Variants in KCNK18 observed in about 807,000 individuals in gnomAD.
KCNK18 encodes the protein potassium channel subfamily K member 18.
KCNK18 carries 8 observed loss-of-function variants against 11.8 expected under a neutral mutation model. The observed-to-expected ratio is 0.68, with a 90% CI of 0.40 to 1.22. The LOEUF (loss-of-function observed/expected upper bound fraction) is 1.22, where lower values mean the gene tolerates loss of function less well. KCNK18 is among the 50% of genes most tolerant of loss of function. The pLI is 0.01. For missense variants in KCNK18, 442 were observed against 465.4 expected (o/e 0.95, Z 0.46); for synonymous variants, 208 against 185.8 (o/e 1.12, Z -0.97).
At chr10:117,204,721 T>C (rs1479654318) in intron 2 of KCNK18, among the ~76,000 whole-genome samples, 1 of 152,174 alleles carries the variant, frequency 6.6e-6, no homozygotes, top group Non-Finnish European at 1.5e-5. Flanking sequence ...TGTGTGCTAA[T>C]GTTTGAGAAG....
In KCNK18 at chr10:117,207,230, C is replaced by T. The variant is rs376969643; in HGVS notation, c.353-2267C>T. Among the ~76,000 whole-genome samples, 322 of 152,200 alleles carry T rather than the reference C, an allele frequency of 2.1e-3. 1 individual carries two copies. Among genetic ancestry groups the T allele is most frequent in the African/African-American group, 7.4e-3 (309 of 41,546 alleles). On this transcript the variant is annotated intron_variant, in intron 2 of 2. Transcript: ENST00000334549. ...TTTTAGTAGAGACAGGGTTTTGCCACGTTGGCCAGGCTGGTCTTGAACTCC... is the reference window on the plus strand; with the variant it reads ...TTTTAGTAGAGACAGGGTTTTGCCATGTTGGCCAGGCTGGTCTTGAACTCC...
chr10:117,199,409 C>T lies in KCNK18; in HGVS notation c.223+1698C>T, dbSNP rs60931322. ...AGAGCTGGTCCCACTCCATTTTGTA[C>T]CGATTTTCACTGGAGATTAAAATGT... On this transcript the variant is annotated intron_variant, in intron 1 of 2. Coordinates refer to ENST00000334549, the MANE Select transcript of KCNK18 (RefSeq NM_181840.1). Among the ~76,000 whole-genome samples the T allele has an allele frequency of 7.1e-3, 1,082 of 152,284 alleles. 15 individuals carry two copies. Among genetic ancestry groups the T allele is most frequent in the African/African-American group, 0.025 (1,044 of 41,560 alleles).
At position 117,209,594 on chromosome 10, in the gene KCNK18, C is replaced by T; in HGVS notation, c.450C>T (p.Asp150=). The T allele has an allele frequency of 1.2e-6, 2 of 1,614,186 alleles. No individual in the cohort carries two copies. The highest frequency in any genetic ancestry group is 1.7e-6 in the Non-Finnish European group (2 of 1,180,034). The change falls in exon 3 of 3, where the codon GAC becomes GAT. Residue 150 remains aspartate (D), a synonymous_variant. Coordinates refer to ENST00000334549, the MANE Select transcript of KCNK18 (RefSeq NM_181840.1). ...GIPLMFLVLT[D]TGDILATILS... ...CCCTGATGTTCCTCGTTCTCACGGA[C>T]ACAGGCGACATCCTGGCAACCATCT...
intron 2 of KCNK18, among the ~76,000 whole-genome samples, chr10:117,204,122 C>T (rs886245069): frequency 7.9e-5 from 12 of 151,888 alleles, no homozygotes; most frequent in South Asian, 2.1e-4. Context: ...ATCAGCTGGG[C>T]GTGGTGACGT....
chr10:117,209,014 T>C (rs1855109471), intron 2 of KCNK18, among the ~76,000 whole-genome samples: 1 of 152,214 alleles, frequency 6.6e-6, no homozygotes, highest in Non-Finnish European at 1.5e-5. Flanking sequence ...GTGCTGGAAT[T>C]ACAGGCATGA....
Position 117,209,810 on chromosome 10 carries a change from C to T in KCNK18, c.666C>T (p.Ser222=). 6.2e-7 allele frequency: 1 copy of T among 1,614,204 alleles called. No individual in the cohort carries two copies. The highest frequency in any genetic ancestry group is 8.5e-7 in the Non-Finnish European group (1 of 1,180,046). ...PKLGTCPSRP[S]CSMELFERSH... The stretch of plus-strand genomic sequence containing the variant: ...TTGGCACATGTCCTTCACGCCCAAG[C>T]TGCAGCATGGAGCTGTTTGAGAGAT... Residue 222 remains serine (S), a synonymous_variant, in exon 3 of 3, where the codon AGC becomes AGT. Coordinates refer to ENST00000334549, the MANE Select transcript of KCNK18 (RefSeq NM_181840.1).
Position 117,210,197 on chromosome 10 carries a change from G to C in KCNK18, c.1053G>C (p.Val351=), listed in dbSNP as rs752379870. The C allele has an allele frequency of 3.1e-6, 5 of 1,614,096 alleles. No homozygotes were observed. Among genetic ancestry groups the C allele is most frequent in the Admixed American group, 1.7e-5 (1 of 60,024 alleles). The change falls in exon 3 of 3, where the codon GTG becomes GTC. Residue 351 remains valine (V), a synonymous_variant. Transcript: ENST00000334549. ...ATATCATCGTTGGAATGGAGATTGT[G>C]TTCATTGCTTTCAAGTTGGTGCAAA... ...SIYIIVGMEI[V]FIAFKLVQNR...
intron 2 of KCNK18, among the ~76,000 whole-genome samples, chr10:117,208,321 C>T (rs911662686): frequency 5.3e-5 from 8 of 152,172 alleles, no homozygotes; most frequent in Admixed American, 1.3e-4. Flanking sequence ...CACTAGGCAG[C>T]TAAGGTCTTG....
rs751813455 is a variant in KCNK18 at position 117,209,627 on chromosome 10, A to G, written c.483A>G (p.Thr161=). Residue 161 remains threonine, a synonymous_variant, in exon 3 of 3, where the codon ACA becomes ACG. Transcript: ENST00000334549. ...ACATCCTGGCAACCATCTTATCTACATCTTATAATCGGTTCCGAAAATTCC... is the reference window on the plus strand; with the variant it reads ...ACATCCTGGCAACCATCTTATCTACGTCTTATAATCGGTTCCGAAAATTCC... ...TGDILATILS[T]SYNRFRKFPF... is the part of the protein sequence containing the mutation. 2.5e-6 allele frequency: 4 copies of G among 1,613,968 alleles called. No individual in the cohort carries two copies. Among genetic ancestry groups the G allele is most frequent in the African/African-American group, 1.3e-5 (1 of 74,928 alleles).
chr10:117,204,168 G>A (rs1855048465), intron 2 of KCNK18, among the ~76,000 whole-genome samples: 1 of 151,832 alleles, frequency 6.6e-6, no homozygotes, highest in Admixed American at 6.6e-5. Flanking sequence ...AGGCTGAGGT[G>A]GGAGCATCAC....
chr10:117,198,092 G>A (rs555111484), intron 1 of KCNK18, among the ~76,000 whole-genome samples: 1 of 152,248 alleles, frequency 6.6e-6, no homozygotes, highest in African/African-American at 2.4e-5. Flanking sequence ...CTGGGGTTGG[G>A]GGGCTAGCTT....
rs267602384 is a variant in KCNK18 at position 117,209,989 on chromosome 10, C to T, written c.845C>T (p.Pro282Leu). The T allele has an allele frequency of 1.2e-6, 2 of 1,614,170 alleles. No individual in the cohort carries two copies. Among genetic ancestry groups the T allele is most frequent in the Non-Finnish European group, 1.7e-6 (2 of 1,180,020 alleles). Residue 282 changes from proline to leucine, a missense_variant, in exon 3 of 3, where the codon CCC becomes CTC. By Grantham distance (98) the Pro-to-Leu change is moderately conservative. Transcript: ENST00000334549. ...VGQQVERLDIPLPIIALIVFA... is the reference protein window; with the variant it reads ...VGQQVERLDILLPIIALIVFA... ...CAGCAGGTGGAGAGGTTGGACATCC[C>T]CCTCCCCATCATTGCCCTTATTGTT...
chr10:117,204,833 A>C (rs1027447127), intron 2 of KCNK18, among the ~76,000 whole-genome samples: 5 of 152,186 alleles, frequency 3.3e-5, no homozygotes, highest in South Asian at 2.1e-4. Flanking sequence ...CCAGGCCCAG[A>C]CATCAGTATT....
chr10:117,204,479 A>G (rs1003748639), intron 2 of KCNK18, among the ~76,000 whole-genome samples: 6 of 152,148 alleles, frequency 3.9e-5, no homozygotes, highest in East Asian at 1.9e-4. Context: ...GACAGCCACA[A>G]TAGTCTCCAG....
intron 2 of KCNK18, 112 bp from the exon 3 acceptor site, chr10:117,209,385 T>C: frequency 2.2e-6 from 2 of 899,800 alleles, no homozygotes; most frequent in Non-Finnish European, 3.8e-6. Flanking sequence ...TCAAAAACAA[T>C]GTGTAAAATG....
intron 1 of KCNK18, 124 bp downstream of exon 1, chr10:117,197,835 G>A (rs1278019432): frequency 1.1e-5 from 9 of 799,344 alleles, no homozygotes. Flanking sequence ...CCTCATGCCT[G>A]GGCACTTTAA....
At chr10:117,207,978 G>A (rs905628938) in intron 2 of KCNK18, among the ~76,000 whole-genome samples, 13 of 152,190 alleles carry the variant, frequency 8.5e-5, no homozygotes, top group African/African-American at 3.1e-4. Context: ...CCTGCGCTGT[G>A]GGGTTTGAGG....
intron 2 of KCNK18, among the ~76,000 whole-genome samples, chr10:117,203,594 C>T (rs1855040311): frequency 6.6e-6 from 1 of 152,238 alleles, no homozygotes; most frequent in South Asian, 2.1e-4. Flanking sequence ...GACTGGAGTG[C>T]AATGGTGCCA....
intron 2 of KCNK18, among the ~76,000 whole-genome samples, chr10:117,201,713 T>G (rs1287163130): frequency 6.6e-6 from 1 of 152,238 alleles, no homozygotes; most frequent in Non-Finnish European, 1.5e-5. Flanking sequence ...CTCGTGCTTA[T>G]GAGCAAAACG....
Sources: allele counts gnomAD v4.1 joint callset (sites outside exome capture counted in the v4.1 genomes callset), GRCh38; gene constraint gnomAD v4.1.1; transcripts MANE v1.5; gene names NCBI Gene and HGNC (gene_info 2026-07-23, HGNC 2026-07-21).